POU2AF2: variants seen among roughly 807,000 people sequenced by gnomAD.
POU2AF2 encodes POU domain class 2-associating factor 2.
At chr11:111,254,595 T>C in the POU2AF2 span, among the ~76,000 whole-genome samples, 1 of 152,226 alleles carries the variant, frequency 6.6e-6, no homozygotes, top group African/African-American at 2.4e-5. Flanking sequence ...CAGTGACTAA[T>C]GTGTAACTGT....
chr11:111,276,439 G>GAAAAAAAAAAAAAAAAAAAAAAAAAA, the POU2AF2 span, among the ~76,000 whole-genome samples: 1 of 44,444 alleles, frequency 2.3e-5, no homozygotes, highest in African/African-American at 9.3e-5. Flanking sequence ...CTACTAAAAA[G>GAAAAAAAAAAAAAAAAAAAAAAAAAA]AAAAAAAAAA....
At chr11:111,276,440 A>AAAAAAG in the POU2AF2 span, among the ~76,000 whole-genome samples, 26 of 14,442 alleles carry the variant, frequency 1.8e-3, no homozygotes, top group Admixed American at 4.6e-3. Flanking sequence ...TACTAAAAAG[A>AAAAAAG]AAAAAAAAAA....
chr11:111,247,808 T>G, the POU2AF2 span, among the ~76,000 whole-genome samples: 2 of 151,432 alleles, frequency 1.3e-5, no homozygotes, highest in Non-Finnish European at 2.9e-5. Context: ...TCATCGTGTG[T>G]AGTATTTTCT....
chr11:111,272,505 A>G, the POU2AF2 span, among the ~76,000 whole-genome samples: 1 of 152,290 alleles, frequency 6.6e-6, no homozygotes, highest in Non-Finnish European at 1.5e-5. Flanking sequence ...TACATAAAGA[A>G]CCCAGACATT....
chr11:111,267,898 G>A, the POU2AF2 span, among the ~76,000 whole-genome samples: 49 of 152,126 alleles, frequency 3.2e-4, no homozygotes, highest in Non-Finnish European at 5.0e-4. Flanking sequence ...GACTACCAAT[G>A]CCCTCATTTC....
At chr11:111,263,078 A>C in the POU2AF2 span, among the ~76,000 whole-genome samples, 2 of 152,176 alleles carry the variant, frequency 1.3e-5, no homozygotes. Context: ...AAAATCCCTA[A>C]CACAATTCAA....
At chr11:111,252,657 C>A in the POU2AF2 span, among the ~76,000 whole-genome samples, 1 of 151,912 alleles carries the variant, frequency 6.6e-6, no homozygotes, top group Non-Finnish European at 1.5e-5. Flanking sequence ...ACCTTAATTT[C>A]TTTCTGCCTT....
chr11:111,285,940 G>A, the POU2AF2 span: 1 of 1,613,938 alleles, frequency 6.2e-7, no homozygotes, highest in Non-Finnish European at 8.5e-7. Context: ...CCAAGGTGGG[G>A]CCACTCTCCC....
the POU2AF2 span, among the ~76,000 whole-genome samples, chr11:111,250,104 C>A: frequency 1.3e-5 from 2 of 152,070 alleles, no homozygotes; most frequent in Non-Finnish European, 2.9e-5. Flanking sequence ...AAACTGCATT[C>A]TTCTTCCCCA....
chr11:111,267,248 G>T, the POU2AF2 span, among the ~76,000 whole-genome samples: 1 of 152,112 alleles, frequency 6.6e-6, no homozygotes, highest in African/African-American at 2.4e-5. Flanking sequence ...GCATCCAGTG[G>T]GGGGAATATA....
At chr11:111,281,454 T>C in the POU2AF2 span, 1 of 1,613,066 alleles carries the variant, frequency 6.2e-7, no homozygotes, top group Non-Finnish European at 8.5e-7. Context: ...AGTACTTTAA[T>C]TCAATAAGCA....
At chr11:111,280,683 G>A in the POU2AF2 span, among the ~76,000 whole-genome samples, 29 of 152,140 alleles carry the variant, frequency 1.9e-4, no homozygotes, top group African/African-American at 4.6e-4. Flanking sequence ...ACAATGGCCC[G>A]AAAGCACAAG....
At chr11:111,284,746 G>C in the POU2AF2 span, among the ~76,000 whole-genome samples, 2 of 152,176 alleles carry the variant, frequency 1.3e-5, no homozygotes, top group African/African-American at 4.8e-5. Context: ...TCTCAGACAT[G>C]CTAGGCAGTA....
chr11:111,280,053 A>ATATATATATATAT, the POU2AF2 span, among the ~76,000 whole-genome samples: 3 of 61,884 alleles, frequency 4.8e-5, no homozygotes, highest in African/African-American at 1.3e-4. Context: ...AAAAAAAAAA[A>ATATATATATATAT]AAAAATATAT....
chr11:111,249,526 T>C, the POU2AF2 span, among the ~76,000 whole-genome samples: 4 of 152,190 alleles, frequency 2.6e-5, no homozygotes, highest in Non-Finnish European at 5.9e-5. Flanking sequence ...AGTCCTGGTT[T>C]GTCACCACCC....
At chr11:111,251,569 CT>C in the POU2AF2 span, among the ~76,000 whole-genome samples, 1 of 152,188 alleles carries the variant, frequency 6.6e-6, no homozygotes, top group Non-Finnish European at 1.5e-5. Context: ...CTGCACACAT[CT>C]TTTCTGCTTC....
the POU2AF2 span, among the ~76,000 whole-genome samples, chr11:111,256,849 A>T: frequency 6.6e-6 from 1 of 152,170 alleles, no homozygotes; most frequent in African/African-American, 2.4e-5. Context: ...CGTAATTGTT[A>T]CTCTAAACCC....
At chr11:111,279,315 C>T in the POU2AF2 span, among the ~76,000 whole-genome samples, 4 of 152,198 alleles carry the variant, frequency 2.6e-5, no homozygotes, top group Non-Finnish European at 4.4e-5. Context: ...TCATCAATCA[C>T]CCCTGTATTG....
the POU2AF2 span, among the ~76,000 whole-genome samples, chr11:111,268,487 ATTTTATTTTATTTT>A: frequency 4.2e-5 from 1 of 23,962 alleles, no homozygotes; most frequent in East Asian, 8.9e-4. Context: ...TTTTTATTTT[ATTTTATTTTATTTT>A]ATTTTATTTT....
Sources: gnomAD v4.1 joint callset for allele counts (sites outside exome capture counted in the v4.1 genomes callset) on GRCh38, gnomAD v4.1.1 for gene constraint, MANE v1.5 for transcripts, NCBI Gene and HGNC (gene_info 2026-07-23, HGNC 2026-07-21) for gene names.